FNDC3B: variants seen among roughly 807,000 people sequenced by gnomAD.
The protein encoded by FNDC3B is fibronectin type III domain-containing protein 3B.
A neutral mutation model predicts 151.5 loss-of-function variants in FNDC3B; 12 were observed. The ratio of observed to expected loss-of-function variants is 0.08; its 90% CI spans 0.05 to 0.13. The LOEUF (loss-of-function observed/expected upper bound fraction) is 0.13, where lower values mean the gene tolerates loss of function less well. Ranked by LOEUF, FNDC3B falls within the 10% of genes least tolerant of loss-of-function variation. The pLI is 1.00. For synonymous variants in FNDC3B, 528 were observed against 549.0 expected (o/e 0.96, Z 0.54); for missense variants, 1,214 against 1,505.3 (o/e 0.81, Z 3.20).
chr3:172,080,261 T>C (rs1017989506), intron 1 of FNDC3B, among the ~76,000 whole-genome samples: 1 of 152,056 alleles, frequency 6.6e-6, no homozygotes, highest in African/African-American at 2.4e-5. Flanking sequence ...CTTCTGAAGC[T>C]TAGAATTTTT....
Position 172,343,090 on chromosome 3 carries a change from A to C in FNDC3B, c.2051A>C (p.Lys684Thr), listed in dbSNP as rs143763241. The C allele has an allele frequency of 1.1e-4, 173 of 1,607,310 alleles. No homozygotes were observed. The highest frequency in any genetic ancestry group is 2.3e-5 in the Non-Finnish European group (27 of 1,174,226). ...CRPPRVLGRP[K>T]HKEVHLEWDV... ...CCACCGAGGGTTTTGGGTAGACCAA[A>C]GCACAAAGAAGTCCACTTAGAGTGG... is the stretch of plus-strand genomic sequence containing the variant. Residue 684 changes from lysine (K) to threonine (T), a missense_variant, in exon 18 of 26, where the codon AAG (lysine) becomes ACG (threonine). Physicochemically the swap from Lys to Thr is moderately conservative, Grantham distance 78. Transcript: ENST00000415807.
At chr3:172,216,510 A>T (rs1243677277) in intron 3 of FNDC3B, among the ~76,000 whole-genome samples, 3 of 152,052 alleles carry the variant, frequency 2.0e-5, no homozygotes, top group Admixed American at 2.0e-4. Flanking sequence ...CTACAAAAAA[A>T]TACAAAAACC....
intron 1 of FNDC3B, among the ~76,000 whole-genome samples, chr3:172,075,834 T>C (rs2108492353): frequency 6.6e-6 from 1 of 152,240 alleles, no homozygotes; most frequent in East Asian, 1.9e-4. Context: ...TCCTTTGTGA[T>C]GCAATTCTAT....
At chr3:172,068,359 T>G (rs946381317) in intron 1 of FNDC3B, among the ~76,000 whole-genome samples, 15 of 152,080 alleles carry the variant, frequency 9.9e-5, no homozygotes, top group African/African-American at 3.4e-4. Context: ...ACATTTTACT[T>G]GAATTAATTT....
intron 9 of FNDC3B, among the ~76,000 whole-genome samples, chr3:172,300,708 C>T (rs565690387): frequency 5.4e-4 from 82 of 152,280 alleles, no homozygotes; most frequent in African/African-American, 1.9e-3. Flanking sequence ...ACACCAAACA[C>T]GTACAACCTA....
chr3:172,270,191 G>T (rs1434243198), intron 6 of FNDC3B, among the ~76,000 whole-genome samples: 1 of 152,216 alleles, frequency 6.6e-6, no homozygotes, highest in African/African-American at 2.4e-5. Context: ...GTGTGCACAT[G>T]TGCACTTACA....
intron 11 of FNDC3B, chr3:172,317,383 A>G (rs1046727740): frequency 2.4e-4 from 67 of 279,050 alleles, no homozygotes; most frequent in South Asian, 5.7e-4. Context: ...ACGGGGTTTC[A>G]CCATGTTAGC....
chr3:172,078,990 G>A (rs1718158173), intron 1 of FNDC3B, among the ~76,000 whole-genome samples: 1 of 152,068 alleles, frequency 6.6e-6, no homozygotes, highest in Non-Finnish European at 1.5e-5. Context: ...CTCTGAGGTC[G>A]GTATTTTAGT....
chr3:172,160,669 C>T (rs150225305), intron 3 of FNDC3B, among the ~76,000 whole-genome samples: 92 of 152,234 alleles, frequency 6.0e-4, no homozygotes, highest in Non-Finnish European at 9.1e-4. Flanking sequence ...ATAATCTATA[C>T]GTATTTTAAA....
chr3:172,252,025 C>A (rs1208904347), intron 6 of FNDC3B, among the ~76,000 whole-genome samples: 2 of 152,168 alleles, frequency 1.3e-5, no homozygotes, highest in African/African-American at 4.8e-5. Context: ...TCTCATACCA[C>A]CTTTTGCCTG....
chr3:172,187,687 C>G (rs1162023246), intron 3 of FNDC3B, among the ~76,000 whole-genome samples: 2 of 152,134 alleles, frequency 1.3e-5, no homozygotes, highest in East Asian at 3.8e-4. Flanking sequence ...TGGATTCTCA[C>G]TTTGTTGCGC....
rs144814540 is a variant in FNDC3B, at chr3:172,210,443, C to T, written c.188-16428C>T. 4.1e-3 allele frequency among the ~76,000 whole-genome samples: 618 copies of T among 152,166 alleles called. 3 individuals are homozygous for T. The highest frequency in any genetic ancestry group is 0.014 in the African/African-American group (585 of 41,494). On this transcript the variant is annotated intron_variant, in intron 3 of 25. Transcript: ENST00000415807. ...TAGTCCTGGGCCCACACAATCCTTC[C>T]GATCCTTCCACTTCAGCCTCCCAAG...
At chr3:172,140,784 G>A (rs1205112313) in intron 3 of FNDC3B, among the ~76,000 whole-genome samples, 8 of 152,160 alleles carry the variant, frequency 5.3e-5, no homozygotes, top group Non-Finnish European at 8.8e-5. Context: ...CCCTCTCAAG[G>A]GAGGTACTCA....
At chr3:172,206,984 T>G (rs1725465930) in intron 3 of FNDC3B, among the ~76,000 whole-genome samples, 1 of 152,204 alleles carries the variant, frequency 6.6e-6, no homozygotes, top group Admixed American at 6.5e-5. Flanking sequence ...TTGCTTATTT[T>G]GTATGTATTG....
At chr3:172,123,287 C>T (rs1720645636) in intron 2 of FNDC3B, among the ~76,000 whole-genome samples, 1 of 152,194 alleles carries the variant, frequency 6.6e-6, no homozygotes, top group Non-Finnish European at 1.5e-5. Context: ...CATCGTCCTG[C>T]CTAGACCTCC....
At chr3:172,301,054 CTGTCATTTACTAAGGG>C (rs1476248717) in intron 9 of FNDC3B, among the ~76,000 whole-genome samples, 1 of 152,186 alleles carries the variant, frequency 6.6e-6, no homozygotes, top group African/African-American at 2.4e-5. Flanking sequence ...GTTAATGGCT[CTGTCATTTACTAAGGG>C]TGTGTACTTA....
intron 3 of FNDC3B, among the ~76,000 whole-genome samples, chr3:172,212,999 T>C (rs1439937461): frequency 2.0e-5 from 3 of 152,090 alleles, no homozygotes; most frequent in Admixed American, 1.3e-4. Context: ...TTTCTGGTTG[T>C]GGCTTTTCTG....
At chr3:172,333,234 C>G in intron 14 of FNDC3B, 59 bp downstream of exon 14, 1 of 1,076,772 alleles carries the variant, frequency 9.3e-7, no homozygotes, top group Non-Finnish European at 1.4e-6. Context: ...TCTATTTCAC[C>G]ATTTACCATG....
intron 1 of FNDC3B, among the ~76,000 whole-genome samples, chr3:172,086,876 T>C (rs1369626746): frequency 2.0e-5 from 3 of 152,234 alleles, no homozygotes; most frequent in Non-Finnish European, 4.4e-5. Flanking sequence ...GGAAGTTTTC[T>C]ACAGAAGATG....
Sources: allele counts gnomAD v4.1 joint callset (sites outside exome capture counted in the v4.1 genomes callset), GRCh38; gene constraint gnomAD v4.1.1; transcripts MANE v1.5; gene names NCBI Gene and HGNC (gene_info 2026-07-23, HGNC 2026-07-21).